Variants in SH2D1A observed in about 807,000 individuals in gnomAD.
SH2D1A encodes SH2 domain containing 1A.
SH2D1A carries 6 observed loss-of-function variants against 10.1 expected under a neutral mutation model. That is an observed-to-expected ratio of 0.60 (90% CI 0.33 to 1.18). The LOEUF (loss-of-function observed/expected upper bound fraction) is 1.18. Ranked by LOEUF, SH2D1A falls within the 50% of genes most tolerant of loss-of-function variation. The probability of loss-of-function intolerance (pLI) is 0.04; values close to 1 mark genes in which losing one functional copy is unlikely to be tolerated. For missense variants in SH2D1A, 51 were observed against 97.6 expected, an observed-to-expected ratio of 0.52 and a Z score of 2.01; for synonymous variants, 42 against 36.9, an observed-to-expected ratio of 1.14 and a Z score of -0.51.
chrX:124,356,081 G>T (rs1272107997), intron 1 of SH2D1A, among the ~76,000 whole-genome samples: 1 of 84,693 alleles, frequency 1.2e-5, no homozygotes, highest in Non-Finnish European at 2.2e-5. Flanking sequence ...AGGCCCCAGT[G>T]TGTGATGTTC....
intron 1 of SH2D1A, among the ~76,000 whole-genome samples, chrX:124,353,343 G>A (rs2060019564): frequency 9.0e-6 from 1 of 111,473 alleles, no homozygotes; most frequent in Non-Finnish European, 1.9e-5. Flanking sequence ...GTTATTGTGT[G>A]TATGAATGTG....
intron 1 of SH2D1A, among the ~76,000 whole-genome samples, chrX:124,357,556 A>G (rs1347664721): frequency 1.8e-5 from 2 of 111,628 alleles, no homozygotes; most frequent in African/African-American, 6.5e-5. Context: ...TAATTTTTTG[A>G]AGAACTTTCA....
At position 124,365,886 on chromosome X, in the gene SH2D1A, T is replaced by C. The variant is rs2060053049; in HGVS notation, c.201+62T>C. 5.6e-6 allele frequency: 4 copies of C among 720,613 alleles called. No individual in the cohort carries two copies. The Admixed American group carries it at 6.7e-5, about 12-fold the overall frequency. The allele number at this position is 720,613 out of a possible 1,213,427, so 59.4% of individuals were successfully genotyped here. ...AGGAGGTATTTGAAATTTAGGCTGG[T>C]TTTATAAAAGAGCAAATTATACATT... On this transcript the variant is annotated intron_variant, in intron 2 of 3. Transcript: ENST00000371139.
At chrX:124,367,081 T>C (rs2060057499) in intron 2 of SH2D1A, among the ~76,000 whole-genome samples, 1 of 111,503 alleles carries the variant, frequency 9.0e-6, no homozygotes, top group Admixed American at 9.5e-5. Flanking sequence ...CATATGAGAT[T>C]GTTACATGCT....
Position 124,369,831 on chromosome X carries a change from C to T in SH2D1A, c.202-345C>T, listed in dbSNP as rs146436702. Among the ~76,000 whole-genome samples the T allele has an allele frequency of 4.5e-5, 5 of 110,908 alleles. No individual in the cohort carries two copies. The East Asian group carries it at 1.4e-3, about 31-fold the overall frequency. Reference sequence around the variant, plus strand: ...TGTTTTTTCCTGTTTAACTGCATCCCCTCTGTTGGTGAATTCATTGTGGGT... The same window carrying T: ...TGTTTTTTCCTGTTTAACTGCATCCTCTCTGTTGGTGAATTCATTGTGGGT... On this transcript the variant is annotated intron_variant, in intron 2 of 3. Transcript: ENST00000371139.
At chrX:124,363,330 C>T (rs1009247395) in intron 1 of SH2D1A, among the ~76,000 whole-genome samples, 1 of 111,469 alleles carries the variant, frequency 9.0e-6, no homozygotes, top group African/African-American at 3.3e-5. Context: ...AAACAAGCAG[C>T]ACTTGTTTTT....
At chrX:124,357,596 T>C (rs1414135945) in intron 1 of SH2D1A, among the ~76,000 whole-genome samples, 1 of 111,804 alleles carries the variant, frequency 8.9e-6, no homozygotes, top group African/African-American at 3.3e-5. Context: ...TGTACTAATT[T>C]ATATTCCCAC....
chrX:124,351,354 C>T (rs990146626), intron 1 of SH2D1A, among the ~76,000 whole-genome samples: 1 of 109,043 alleles, frequency 9.2e-6, no homozygotes, highest in Non-Finnish European at 1.9e-5. Flanking sequence ...ATTATAAATT[C>T]CATCAGGATG....
In SH2D1A at chrX:124,371,649, TAATG is replaced by T; in HGVS notation, c.*262_*265del. 4.2e-6 allele frequency: 1 copy of T among 237,451 alleles called. No individual in the cohort carries two copies. The highest frequency in any genetic ancestry group is 7.6e-6 in the Non-Finnish European group (1 of 132,141). 19.6% of individuals were successfully genotyped at this position (237,451 alleles called of 1,213,427 possible). A position where few individuals can be genotyped will look rare whatever the true frequency, so the allele number is the denominator to read the frequency against. ...TATTTACAAATGGGAAACAAAAGGA[TAATG>T]AATACTTTATAAAGGATTAATGTCA... On this transcript the variant is annotated 3_prime_UTR_variant, in exon 4 of 4. Transcript: ENST00000371139.
chrX:124,362,987 C>T (rs2060043774), intron 1 of SH2D1A, among the ~76,000 whole-genome samples: 1 of 111,018 alleles, frequency 9.0e-6, no homozygotes, highest in Non-Finnish European at 1.9e-5. Context: ...GAAGAGGGCT[C>T]AAAATGAAAC....
intron 3 of SH2D1A, among the ~76,000 whole-genome samples, chrX:124,370,696 T>C (rs112980046): frequency 1.8e-5 from 2 of 112,205 alleles, no homozygotes; most frequent in African/African-American, 6.5e-5. Flanking sequence ...CCTTTATCTT[T>C]GCTTAGTAAA....
chrX:124,368,091 G>T (rs894269643), intron 2 of SH2D1A, among the ~76,000 whole-genome samples: 4 of 111,466 alleles, frequency 3.6e-5, no homozygotes, highest in Non-Finnish European at 7.5e-5. Context: ...ATTCATTTCT[G>T]TTAGCATGGA....
intron 1 of SH2D1A, among the ~76,000 whole-genome samples, chrX:124,349,022 T>C (rs983503408): frequency 1.8e-5 from 2 of 112,672 alleles, no homozygotes; most frequent in African/African-American, 6.5e-5. Flanking sequence ...TTTGCCTATG[T>C]AGGCCGGAAC....
At chrX:124,357,796 A>G (rs187901861) in intron 1 of SH2D1A, among the ~76,000 whole-genome samples, 17 of 109,059 alleles carry the variant, frequency 1.6e-4, no homozygotes, top group Non-Finnish European at 2.7e-4. Flanking sequence ...AGAAATGTCT[A>G]TTCTGGTCCT....
chrX:124,349,669 A>C (rs192903620), intron 1 of SH2D1A, among the ~76,000 whole-genome samples: 1 of 111,081 alleles, frequency 9.0e-6, no homozygotes, highest in Admixed American at 9.6e-5. Flanking sequence ...CTGTACTTTC[A>C]AACGATGCTT....
At chrX:124,351,120 CAT>C (rs1232966185) in intron 1 of SH2D1A, among the ~76,000 whole-genome samples, 1 of 90,499 alleles carries the variant, frequency 1.1e-5, no homozygotes, top group African/African-American at 4.1e-5. Context: ...TATAAATTTA[CAT>C]GTGTTAAAAA....
intron 1 of SH2D1A, among the ~76,000 whole-genome samples, chrX:124,363,916 A>AAAAAAAAAAAAAAAAAAG (rs1569527532): frequency 1.2e-5 from 1 of 85,084 alleles, no homozygotes; most frequent in Non-Finnish European, 2.2e-5. Context: ...AAAAAAAAAA[A>AAAAAAAAAAAAAAAAAAG]GAAAGAAAAA....
At chrX:124,349,726 G>A (rs1030559972) in intron 1 of SH2D1A, among the ~76,000 whole-genome samples, 2 of 110,432 alleles carry the variant, frequency 1.8e-5, no homozygotes. Flanking sequence ...TTTCAGATAT[G>A]GCCTTTTCTT....
chrX:124,350,051 G>T lies in SH2D1A; in HGVS notation c.137+3272G>T, dbSNP rs753033616. Among the ~76,000 whole-genome samples, 79 of 95,323 alleles carry T rather than the reference G, an allele frequency of 8.3e-4. No individual in the cohort carries two copies. The Admixed American group carries it at 9.5e-3, about 12-fold the overall frequency. 82.8% of individuals were successfully genotyped at this position (95,323 alleles called of 115,157 possible). On this transcript the variant is annotated intron_variant, in intron 1 of 3. Transcript: ENST00000371139. ...ATAAGATGAATTGCTTTTTGAGCAC[G>T]TGTGCTCTTACAATTGTATTCTTAC... is the stretch of plus-strand genomic sequence containing the variant.
Sources: gnomAD v4.1 joint callset for allele counts (sites outside exome capture counted in the v4.1 genomes callset) on GRCh38, gnomAD v4.1.1 for gene constraint, MANE v1.5 for transcripts, NCBI Gene and HGNC (gene_info 2026-07-23, HGNC 2026-07-21) for gene names.